Variants in MAD1L1 observed in about 807,000 individuals in gnomAD.
MAD1L1 encodes the protein mitotic arrest deficient 1 like 1.
MAD1L1 carries 95 observed loss-of-function variants against 96.9 expected under a neutral mutation model. The ratio of observed to expected loss-of-function variants is 0.98; its 90% CI spans 0.83 to 1.16. The LOEUF is 1.16. Among genes scored for constraint, MAD1L1 ranks in the 50% most tolerant of loss-of-function variants. The pLI, the probability that MAD1L1 is intolerant of heterozygous loss-of-function variation, is 0.00. For synonymous variants in MAD1L1, 473 were observed against 396.6 expected (o/e 1.19, Z -2.29); for missense variants, 1,007 against 954.4 (o/e 1.06, Z -0.73).
chr7:1,957,365 G>C (rs904196768), intron 16 of MAD1L1, among the ~76,000 whole-genome samples: 4 of 152,236 alleles, frequency 2.6e-5, no homozygotes, highest in African/African-American at 7.2e-5. Context: ...GGTGGGCATA[G>C]TGCAAATCTG....
intron 14 of MAD1L1, among the ~76,000 whole-genome samples, chr7:1,986,782 G>A (rs1480683327): frequency 6.6e-6 from 1 of 152,200 alleles, no homozygotes; most frequent in East Asian, 1.9e-4. Flanking sequence ...GGGAAATGCT[G>A]ACGTGTGCCA....
chr7:2,089,627 C>T (rs1259550195), intron 11 of MAD1L1, among the ~76,000 whole-genome samples: 2 of 151,642 alleles, frequency 1.3e-5, no homozygotes, highest in Non-Finnish European at 2.9e-5. Context: ...TCACGTGCAT[C>T]GTGTTTAATC....
chr7:2,057,885 G>A (rs570661575), intron 12 of MAD1L1, among the ~76,000 whole-genome samples: 63 of 152,352 alleles, frequency 4.1e-4, no homozygotes, highest in African/African-American at 1.3e-3. Flanking sequence ...GTCACAGCCT[G>A]AAGGAGACAA....
chr7:1,942,540 G>A (rs886848899), intron 16 of MAD1L1, among the ~76,000 whole-genome samples: 5 of 152,130 alleles, frequency 3.3e-5, no homozygotes, highest in East Asian at 1.9e-4. Context: ...ATGGGAGGAC[G>A]GCCCTATGTC....
At chr7:2,053,415 C>T (rs1784267294) in intron 12 of MAD1L1, among the ~76,000 whole-genome samples, 1 of 152,228 alleles carries the variant, frequency 6.6e-6, no homozygotes, top group African/African-American at 2.4e-5. Flanking sequence ...CAGGCATTTA[C>T]TCAGAGCCTG....
intron 10 of MAD1L1, among the ~76,000 whole-genome samples, chr7:2,197,554 G>C (rs1303939516): frequency 6.6e-6 from 1 of 152,118 alleles, no homozygotes; most frequent in African/African-American, 2.4e-5. Flanking sequence ...CTGCACACGG[G>C]CCCAAGCTCG....
intron 16 of MAD1L1, among the ~76,000 whole-genome samples, chr7:1,939,275 C>T (rs1778820514): frequency 1.3e-5 from 2 of 151,134 alleles, no homozygotes; most frequent in Admixed American, 6.6e-5. Flanking sequence ...CGCGCGCACA[C>T]ATGGGCCAGG....
chr7:1,832,638 G>A (rs796472796), intron 18 of MAD1L1, among the ~76,000 whole-genome samples: 1 of 20,966 alleles, frequency 4.8e-5, no homozygotes, highest in East Asian at 1.4e-3. Context: ...TTTGGCGGGG[G>A]GGGGGGGGGT....
rs1006409891 is a variant in MAD1L1, at chr7:1,913,298, C to T, written c.1808-14908G>A. 8.5e-5 allele frequency among the ~76,000 whole-genome samples: 12 copies of T among 141,034 alleles called. No homozygotes were observed. In the South Asian group the frequency reaches 1.0e-3, roughly 12 times the overall value. The allele number at this position is 141,034 out of a possible 152,430, so 92.5% of individuals were successfully genotyped here. Reference sequence around the variant, plus strand: ...GAGGGGCAAGGAGCAGGGTTCTGGGCGGGGTGGGTGCAGGGAGGACCCCTG... The same window carrying T: ...GAGGGGCAAGGAGCAGGGTTCTGGGTGGGGTGGGTGCAGGGAGGACCCCTG... On this transcript the variant is annotated intron_variant, in intron 17 of 18. Transcript: ENST00000265854.
At chr7:2,169,639 G>A (rs1790609928) in intron 10 of MAD1L1, among the ~76,000 whole-genome samples, 1 of 152,234 alleles carries the variant, frequency 6.6e-6, no homozygotes, top group African/African-American at 2.4e-5. Flanking sequence ...TTAAAGGAGA[G>A]CAGAACAAGC....
intron 18 of MAD1L1, among the ~76,000 whole-genome samples, chr7:1,824,476 C>T (rs1344871717): frequency 6.6e-6 from 1 of 152,198 alleles, no homozygotes; most frequent in Non-Finnish European, 1.5e-5. Flanking sequence ...GCCCACGTTA[C>T]CCCGGGCCAT....
Position 2,069,791 on chromosome 7 carries a change from C to G in MAD1L1, c.1074-453G>C, listed in dbSNP as rs1785041255. 3.3e-5 allele frequency among the ~76,000 whole-genome samples: 5 copies of G among 152,364 alleles called. No homozygotes were observed. The Middle Eastern group carries it at 0.01, about 313-fold the overall frequency. ...CCAGCCTGGCGCTAAGCACTGGGAACCCGAGAGGCCTCCTGTGGGCCGACG... is the reference window on the plus strand; with the variant it reads ...CCAGCCTGGCGCTAAGCACTGGGAAGCCGAGAGGCCTCCTGTGGGCCGACG... On this transcript the variant is annotated intron_variant, in intron 11 of 18. Coordinates refer to ENST00000265854, the MANE Select transcript of MAD1L1 (RefSeq NM_001013836.2).
At chr7:1,871,196 TGCTGAACCCACCGTAACACCTGCCAC>T (rs1785067843) in intron 18 of MAD1L1, among the ~76,000 whole-genome samples, 1 of 52,290 alleles carries the variant, frequency 1.9e-5, no homozygotes, top group South Asian at 6.9e-4. Context: ...ACGCCTGCCA[TGCTGAACCCACCGTAACACCTGCCAC>T]GCTGAACCCA....
rs1373280785 is a variant in MAD1L1 at position 2,168,536 on chromosome 7, CT to C, written c.987-19299del. ...GCTGGTCCCTGGCCTGCTGTGTGGC[CT>C]GGGCTTTCCTGAACTTCAGTTATCT... On this transcript the variant is annotated intron_variant, in intron 10 of 18. Coordinates refer to ENST00000265854, the MANE Select transcript of MAD1L1 (RefSeq NM_001013836.2). 3.3e-5 allele frequency among the ~76,000 whole-genome samples: 5 copies of C among 152,346 alleles called. No individual in the cohort carries two copies. The East Asian group carries it at 9.6e-4, about 29-fold the overall frequency.
intron 3 of MAD1L1, among the ~76,000 whole-genome samples, chr7:2,226,606 T>C (rs1265054027): frequency 1.3e-5 from 2 of 152,238 alleles, no homozygotes; most frequent in Non-Finnish European, 2.9e-5. Flanking sequence ...TCACTGACTC[T>C]TCACGTGGCC....
At chr7:2,091,018 C>T (rs1415555525) in intron 11 of MAD1L1, among the ~76,000 whole-genome samples, 3 of 152,158 alleles carry the variant, frequency 2.0e-5, no homozygotes, top group Non-Finnish European at 4.4e-5. Context: ...GATTCACCCG[C>T]GTTTATTTGA....
chr7:1,964,105 C>T (rs542940739), intron 15 of MAD1L1, among the ~76,000 whole-genome samples: 9 of 152,256 alleles, frequency 5.9e-5, no homozygotes, highest in African/African-American at 1.2e-4. Context: ...AGGGGCCTGG[C>T]CGAGGGCCCA....
At chr7:2,033,605 C>T (rs557216104) in intron 12 of MAD1L1, among the ~76,000 whole-genome samples, 1 of 152,234 alleles carries the variant, frequency 6.6e-6, no homozygotes, top group African/African-American at 2.4e-5. Context: ...ACAGAAGAAA[C>T]GTAACTGACA....
chr7:1,837,561 CTGGA>C (rs1288004810), intron 18 of MAD1L1, among the ~76,000 whole-genome samples: 3 of 152,376 alleles, frequency 2.0e-5, no homozygotes, highest in Admixed American at 6.5e-5. Context: ...CCGTCAACAT[CTGGA>C]TGGATGAAGA....
Sources: allele counts gnomAD v4.1 joint callset (sites outside exome capture counted in the v4.1 genomes callset), GRCh38; gene constraint gnomAD v4.1.1; transcripts MANE v1.5; gene names NCBI Gene and HGNC (gene_info 2026-07-23, HGNC 2026-07-21).